The following CDYL2 variants were observed in gnomAD, a reference collection of about 807,000 sequenced individuals.
CDYL2 encodes chromodomain Y like 2, also known as chromodomain Y-like protein 2.
In CDYL2, 23 loss-of-function variants were observed where a neutral mutation model predicts 49.4. The observed-to-expected ratio is 0.47, with a 90% CI of 0.34 to 0.66. The LOEUF is 0.66. CDYL2 is among the 30% of genes least tolerant of loss of function. The probability of loss-of-function intolerance (pLI) is 0.01; values close to 1 mark genes in which losing one functional copy is unlikely to be tolerated. For synonymous variants in CDYL2, 360 were observed against 268.8 expected, an observed-to-expected ratio of 1.34 and a Z score of -3.32; for missense variants, 678 against 656.4, an observed-to-expected ratio of 1.03 and a Z score of -0.36.
chr16:80,719,971 A>ATC (rs142535401), intron 1 of CDYL2, among the ~76,000 whole-genome samples: 1,545 of 152,288 alleles, frequency 0.01, 33 homozygotes, highest in African/African-American at 0.035. Context: ...AGGGATTCAA[A>ATC]TCTATCATTG....
Position 80,804,284 on chromosome 16 carries a change from A to C in CDYL2, c.-111T>G, listed in dbSNP as rs1274648378. 3 of 981,748 alleles carry C rather than the reference A, an allele frequency of 3.1e-6. No individual in the cohort carries two copies. The highest frequency in any genetic ancestry group is 4.1e-6 in the Non-Finnish European group (3 of 738,354). The allele number at this position is 981,748 out of a possible 1,614,324, so 60.8% of individuals were successfully genotyped here. On this transcript the variant is annotated 5_prime_UTR_variant, in exon 1 of 7. Coordinates refer to ENST00000570137, the MANE Select transcript of CDYL2 (RefSeq NM_152342.4). ...GTGTGTGTGCGCGCGTGTGTGTGCGAGTGTGTGTGGTGTGTTGAGTAAACT... is the reference window on the plus strand; with the variant it reads ...GTGTGTGTGCGCGCGTGTGTGTGCGCGTGTGTGTGGTGTGTTGAGTAAACT...
At chr16:80,614,869 GAAAAA>G (rs57112645) in intron 4 of CDYL2, among the ~76,000 whole-genome samples, 1 of 71,346 alleles carries the variant, frequency 1.4e-5, no homozygotes, top group Non-Finnish European at 3.3e-5. Context: ...GTCTCAGGGA[GAAAAA>G]AAAAAAAAAA....
intron 3 of CDYL2, among the ~76,000 whole-genome samples, chr16:80,622,071 A>G (rs1355133530): frequency 6.6e-6 from 1 of 152,188 alleles, no homozygotes; most frequent in East Asian, 1.9e-4. Context: ...TAAGTGTTAG[A>G]GGTGGATTTG....
intron 3 of CDYL2, among the ~76,000 whole-genome samples, chr16:80,625,941 G>T (rs1039655826): frequency 2.6e-5 from 4 of 152,000 alleles, no homozygotes; most frequent in South Asian, 4.2e-4. Context: ...AACTAAAAAG[G>T]AATGTACTTC....
At chr16:80,712,187 GTGTGTATA>G (rs1386814973) in intron 1 of CDYL2, among the ~76,000 whole-genome samples, 6 of 38,096 alleles carry the variant, frequency 1.6e-4, no homozygotes, top group Admixed American at 6.9e-4. Context: ...TTGTGTCTGT[GTGTGTATA>G]TATATATATA....
At chr16:80,672,999 G>A (rs1347284314) in intron 2 of CDYL2, among the ~76,000 whole-genome samples, 3 of 152,192 alleles carry the variant, frequency 2.0e-5, no homozygotes, top group Non-Finnish European at 4.4e-5. Context: ...TCTTGTAGGA[G>A]GAGCTGCTTG....
intron 2 of CDYL2, among the ~76,000 whole-genome samples, chr16:80,664,819 C>T (rs1909193191): frequency 6.6e-6 from 1 of 152,078 alleles, no homozygotes; most frequent in Non-Finnish European, 1.5e-5. Flanking sequence ...ACCTCAGTTT[C>T]CATATCCGTG....
At chr16:80,796,870 A>T (rs1015413314) in intron 1 of CDYL2, among the ~76,000 whole-genome samples, 1 of 152,136 alleles carries the variant, frequency 6.6e-6, no homozygotes, top group Non-Finnish European at 1.5e-5. Flanking sequence ...TGACCCACCA[A>T]CACACTCTAT....
At chr16:80,679,692 C>T (rs1218472503) in intron 2 of CDYL2, 1 of 455,964 alleles carries the variant, frequency 2.2e-6, no homozygotes, top group African/African-American at 2.0e-5. Flanking sequence ...AATGCCAACT[C>T]CAGGTGCAGA....
intron 3 of CDYL2, among the ~76,000 whole-genome samples, chr16:80,624,809 T>C (rs1217781284): frequency 2.6e-5 from 4 of 152,128 alleles, no homozygotes; most frequent in African/African-American, 7.2e-5. Context: ...AACAAAGTCA[T>C]GGACATCTGC....
At chr16:80,715,096 T>A (rs911264082) in intron 1 of CDYL2, among the ~76,000 whole-genome samples, 5 of 151,852 alleles carry the variant, frequency 3.3e-5, no homozygotes, top group African/African-American at 1.2e-4. Flanking sequence ...CAACTGGAGA[T>A]GAGATCAAAG....
At position 80,766,824 on chromosome 16, in the gene CDYL2, T is replaced by C. The variant is rs115493170; in HGVS notation, c.24+37326A>G. Among the ~76,000 whole-genome samples, 643 of 152,290 alleles carry C rather than the reference T, an allele frequency of 4.2e-3. 2 individuals carry two copies. The highest frequency in any genetic ancestry group is 0.015 in the African/African-American group (621 of 41,554). ...GTAGCATTTAAAAGGAAGAAAGAAG[T>C]GTCGGCCACACAATCCTTGCAGGTG... On this transcript the variant is annotated intron_variant, in intron 1 of 6. Coordinates refer to ENST00000570137, the MANE Select transcript of CDYL2 (RefSeq NM_152342.4).
At chr16:80,804,083 C>T in intron 1 of CDYL2, 67 bp downstream of exon 1, 1 of 963,394 alleles carries the variant, frequency 1.0e-6, no homozygotes, top group Non-Finnish European at 1.2e-6. Flanking sequence ...CCGGTCCCCG[C>T]CGCCCGCCGC....
intron 1 of CDYL2, among the ~76,000 whole-genome samples, chr16:80,796,486 T>A (rs1457856120): frequency 6.6e-6 from 1 of 152,204 alleles, no homozygotes; most frequent in Non-Finnish European, 1.5e-5. Context: ...TGCAACAAAT[T>A]CTTAATGAAC....
chr16:80,617,280 G>A (rs1282131539), intron 4 of CDYL2, among the ~76,000 whole-genome samples: 2 of 152,176 alleles, frequency 1.3e-5, no homozygotes, highest in East Asian at 1.9e-4. Context: ...AAGGCCATGC[G>A]GCATGCCTGG....
At position 80,598,928 on chromosome 16, in the gene CDYL2, G is replaced by C. The variant is rs1292712137; in HGVS notation, c.*5460C>G. 6.6e-6 allele frequency: 1 copy of C among 152,000 alleles called. No individual in the cohort carries two copies. Among genetic ancestry groups the C allele is most frequent in the Non-Finnish European group, 1.5e-5 (1 of 68,020 alleles). The allele number at this position is 152,000 out of a possible 1,614,324, so 9.4% of individuals were successfully genotyped here. A position where few individuals can be genotyped will look rare whatever the true frequency, so the allele number is the denominator to read the frequency against. ...TTCTTTGGTTCTCGGTTTTATGAAA[G>C]GCAATATTGTCACAATCCTGTCAAC... On this transcript the variant is annotated 3_prime_UTR_variant, in exon 7 of 7. Transcript: ENST00000570137.
intron 1 of CDYL2, among the ~76,000 whole-genome samples, chr16:80,765,765 G>A (rs1395045751): frequency 6.9e-6 from 1 of 145,036 alleles, no homozygotes; most frequent in Non-Finnish European, 1.5e-5. Context: ...AATGGGGGCT[G>A]TGGCATGTAC....
chr16:80,605,440 A>T (rs1906287737), intron 6 of CDYL2, among the ~76,000 whole-genome samples: 1 of 148,692 alleles, frequency 6.7e-6, no homozygotes, highest in South Asian at 2.1e-4. Flanking sequence ...TTAATCCCAC[A>T]GTGTTACTAT....
intron 1 of CDYL2, among the ~76,000 whole-genome samples, chr16:80,739,090 T>G (rs760402803): frequency 1.8e-4 from 28 of 152,196 alleles, no homozygotes; most frequent in Non-Finnish European, 3.5e-4. Flanking sequence ...GGAAGTAAAT[T>G]CTGACATATA....
Sources: gnomAD v4.1 joint callset for allele counts (sites outside exome capture counted in the v4.1 genomes callset) on GRCh38, gnomAD v4.1.1 for gene constraint, MANE v1.5 for transcripts, NCBI Gene and HGNC (gene_info 2026-07-23, HGNC 2026-07-21) for gene names.